Variants in HTN3 observed in about 807,000 individuals in gnomAD.
HTN3 encodes the protein histatin 3, also known as histatin-3.
HTN3 carries 15 observed loss-of-function variants against 10.6 expected under a neutral mutation model. That is an observed-to-expected ratio of 1.42 (90% CI 0.95 to 2.18). The LOEUF (loss-of-function observed/expected upper bound fraction) is 2.18, where lower values mean the gene tolerates loss of function less well. HTN3 is among the 30% of genes most tolerant of loss of function. The probability of loss-of-function intolerance (pLI) is 0.00; values close to 1 mark genes in which losing one functional copy is unlikely to be tolerated. For synonymous variants in HTN3, 15 were observed against 16.9 expected (o/e 0.89, Z 0.27); for missense variants, 68 against 58.0 (o/e 1.17, Z -0.56).
chr4:70,029,075 G>A (rs1004916157), intron 1 of HTN3, among the ~76,000 whole-genome samples: 5 of 151,878 alleles, frequency 3.3e-5, no homozygotes, highest in African/African-American at 1.2e-4. Flanking sequence ...TGTTATGGCA[G>A]AAAAGACAGT....
intron 5 of HTN3, among the ~76,000 whole-genome samples, chr4:70,035,046 G>C (rs747927413): frequency 1.3e-5 from 2 of 152,276 alleles, no homozygotes; most frequent in Non-Finnish European, 2.9e-5. Flanking sequence ...TGGGGGGTAG[G>C]AGGTGACAGA....
At chr4:70,030,430 A>T (rs1725354822) in intron 1 of HTN3, among the ~76,000 whole-genome samples, 2 of 152,186 alleles carry the variant, frequency 1.3e-5, no homozygotes, top group Admixed American at 1.3e-4. Context: ...GTTTCAGAAC[A>T]GTCTGGGCAA....
chr4:70,030,612 G>T lies in HTN3; in HGVS notation c.-13-116G>T, dbSNP rs186862312. 2,927 of 749,104 alleles carry T rather than the reference G, an allele frequency of 3.9e-3. 13 individuals are homozygous for T. Among genetic ancestry groups the T allele is most frequent in the Non-Finnish European group, 5.3e-3 (2,303 of 434,046 alleles). The allele number at this position is 749,104 out of a possible 1,614,324, so 46.4% of individuals were successfully genotyped here. On this transcript the variant is annotated intron_variant, in intron 1 of 5. Coordinates refer to ENST00000673563, the MANE Select transcript of HTN3 (RefSeq NM_000200.3). ...TCTGTGCTCATGCCCCTGCACTCCA[G>T]CCTGGAAAACAGAGCATGTCTCCCA...
intron 1 of HTN3, among the ~76,000 whole-genome samples, chr4:70,029,883 C>A (rs1240289985): frequency 6.6e-6 from 1 of 152,078 alleles, no homozygotes; most frequent in East Asian, 1.9e-4. Context: ...TTTTCTCTAA[C>A]CAATACCATT....
At chr4:70,032,805 G>A (rs1725417684) in intron 4 of HTN3, among the ~76,000 whole-genome samples, 1 of 151,980 alleles carries the variant, frequency 6.6e-6, no homozygotes, top group African/African-American at 2.4e-5. Context: ...CACCTAAGTT[G>A]GAAACGGTAA....
At chr4:70,030,148 T>A (rs1187186176) in intron 1 of HTN3, among the ~76,000 whole-genome samples, 1 of 152,146 alleles carries the variant, frequency 6.6e-6, no homozygotes, top group Non-Finnish European at 1.5e-5. Flanking sequence ...TTCAACATGC[T>A]TTCCTCTCTG....
chr4:70,035,898 C>A (rs1725502710), intron 5 of HTN3, among the ~76,000 whole-genome samples: 1 of 151,986 alleles, frequency 6.6e-6, no homozygotes, highest in African/African-American at 2.4e-5. Context: ...TCTTGATCCT[C>A]CAGGTGTTAG....
In HTN3 at chr4:70,030,713, T is replaced by A; in HGVS notation, c.-13-15T>A. The A allele has an allele frequency of 6.5e-7, 1 of 1,549,586 alleles. No individual in the cohort carries two copies. The stretch of plus-strand genomic sequence containing the variant: ...AAAGAATGTGATTACTGATTTTTCA[T>A]GTTTGATTTTATAGGACTCAGCCAA... On this transcript the variant is annotated splice_polypyrimidine_tract_variant and intron_variant, in intron 1 of 5. Transcript: ENST00000673563.
rs1258347359 is a variant in HTN3, at chr4:70,033,163, G to A, written c.103-4G>A. ...ATTTGCTCTCTCCTTTTGTGTGTAT[G>A]CAGGAAAAGCATCATTCACATCGAG... On this transcript the variant is annotated splice_region_variant and splice_polypyrimidine_tract_variant and intron_variant, in intron 4 of 5. Coordinates refer to ENST00000673563, the MANE Select transcript of HTN3 (RefSeq NM_000200.3). The A allele has an allele frequency of 3.1e-6, 5 of 1,603,264 alleles. No homozygotes were observed. The South Asian group carries it at 5.6e-5, about 18-fold the overall frequency.
intron 2 of HTN3, chr4:70,031,453 A>G (rs1417109423): frequency 6.5e-6 from 1 of 153,708 alleles, no homozygotes; most frequent in Non-Finnish European, 1.4e-5. Context: ...AAGAATACTA[A>G]TACTTCAACC....
chr4:70,034,929 TCAGAAAACTAAAACAGGAA>T (rs988029762), intron 5 of HTN3, among the ~76,000 whole-genome samples: 1 of 152,164 alleles, frequency 6.6e-6, no homozygotes, highest in African/African-American at 2.4e-5. Context: ...GCCATCATCC[TCAGAAAACTAAAACAGGAA>T]CAGAAAACCA....
At chr4:70,034,274 T>A (rs1725455922) in intron 5 of HTN3, 1 of 152,074 alleles carries the variant, frequency 6.6e-6, no homozygotes, top group South Asian at 2.1e-4. Flanking sequence ...ACAGGTAACT[T>A]AGAGATTGGG....
intron 1 of HTN3, among the ~76,000 whole-genome samples, chr4:70,029,900 C>G (rs1291314755): frequency 6.6e-6 from 1 of 152,084 alleles, no homozygotes; most frequent in Non-Finnish European, 1.5e-5. Flanking sequence ...CATTAATGTT[C>G]TAATCTCAAG....
At chr4:70,034,022 G>T (rs1049221858) in intron 5 of HTN3, 1 of 151,848 alleles carries the variant, frequency 6.6e-6, no homozygotes. Flanking sequence ...ACTGAAACTG[G>T]ACCCCTTCCT....
intron 2 of HTN3, chr4:70,031,105 T>C (rs1183172877): frequency 4.6e-6 from 1 of 215,342 alleles, no homozygotes; most frequent in African/African-American, 2.4e-5. Context: ...CCACCTGAAG[T>C]TAGAAATCTG....
chr4:70,035,050 T>A (rs184057721), intron 5 of HTN3, among the ~76,000 whole-genome samples: 7 of 151,716 alleles, frequency 4.6e-5, no homozygotes, highest in Admixed American at 3.3e-4. Context: ...GGGTAGGAGG[T>A]GACAGAAGGT....
chr4:70,033,223 T>C lies in HTN3; in HGVS notation c.*3T>C, dbSNP rs776851. On this transcript the variant is annotated 3_prime_UTR_variant, in exon 5 of 6. Coordinates refer to ENST00000673563, the MANE Select transcript of HTN3 (RefSeq NM_000200.3). Reference sequence around the variant, plus strand: ...CAAATTATCTGTATGACAATTGATATCTTCAGTAATCACGGGGCATGATTA... The same window carrying C: ...CAAATTATCTGTATGACAATTGATACCTTCAGTAATCACGGGGCATGATTA... 1.3e-6 allele frequency: 2 copies of C among 1,573,668 alleles called. No individual in the cohort carries two copies. The highest frequency in any genetic ancestry group is 1.1e-5 in the South Asian group (1 of 88,134).
Position 70,033,220 on chromosome 4 carries a change from A to C in HTN3, c.156A>C (p.Ter52CysextTer4). 1 of 1,583,328 alleles carries C rather than the reference A, an allele frequency of 6.3e-7. No individual in the cohort carries two copies. The highest frequency in any genetic ancestry group is 8.6e-7 in the Non-Finnish European group (1 of 1,156,192). The change falls in exon 5 of 6, where the codon TGA becomes TGC. Residue 52 changes from the stop codon to cysteine, a stop_lost. Coordinates refer to ENST00000673563, the MANE Select transcript of HTN3 (RefSeq NM_000200.3). ...GATCAAATTATCTGTATGACAATTGATATCTTCAGTAATCACGGGGCATGA... is the reference window on the plus strand; with the variant it reads ...GATCAAATTATCTGTATGACAATTGCTATCTTCAGTAATCACGGGGCATGA... ...GYRSNYLYDN[*>C]
intron 1 of HTN3, among the ~76,000 whole-genome samples, chr4:70,030,080 C>G (rs1282050866): frequency 6.6e-6 from 1 of 152,092 alleles, no homozygotes; most frequent in African/African-American, 2.4e-5. Context: ...GTCACAACAA[C>G]CTAAGTGGTC....
Sources: allele counts gnomAD v4.1 joint callset (sites outside exome capture counted in the v4.1 genomes callset), GRCh38; gene constraint gnomAD v4.1.1; transcripts MANE v1.5; gene names NCBI Gene and HGNC (gene_info 2026-07-23, HGNC 2026-07-21).